TBC1D5: variants seen among roughly 807,000 people sequenced by gnomAD.
The protein encoded by TBC1D5 is TBC1 domain family, member 5.
Under a neutral mutation model 100.3 loss-of-function variants are expected in TBC1D5, and 75 were observed. The observed-to-expected ratio is 0.75, with a 90% CI of 0.62 to 0.91. The LOEUF is 0.91. Ranked by LOEUF, TBC1D5 falls within the 40% of genes least tolerant of loss-of-function variation. The pLI is 0.00. For synonymous variants in TBC1D5, 323 were observed against 325.6 expected (o/e 0.99, Z 0.09); for missense variants, 910 against 942.4 (o/e 0.97, Z 0.45).
At chr3:17,349,413 G>T (rs1006673695) in intron 13 of TBC1D5, among the ~76,000 whole-genome samples, 4 of 152,152 alleles carry the variant, frequency 2.6e-5, no homozygotes, top group Non-Finnish European at 5.9e-5. Flanking sequence ...AAAACCAGTT[G>T]TGTGTATGAT....
chr3:17,396,335 A>G (rs2093503971), intron 8 of TBC1D5, among the ~76,000 whole-genome samples: 3 of 151,998 alleles, frequency 2.0e-5, no homozygotes. Flanking sequence ...TTTCTCTTTA[A>G]CATTTTAACA....
chr3:17,261,058 A>T (rs1236322583), intron 15 of TBC1D5, among the ~76,000 whole-genome samples: 1 of 152,236 alleles, frequency 6.6e-6, no homozygotes, highest in Non-Finnish European at 1.5e-5. Context: ...AAACACCCGT[A>T]CACCACTACA....
intron 4 of TBC1D5, among the ~76,000 whole-genome samples, chr3:17,410,601 G>A (rs950343854): frequency 6.6e-6 from 1 of 152,136 alleles, no homozygotes; most frequent in Non-Finnish European, 1.5e-5. Flanking sequence ...ATTCGTGGTG[G>A]AAAGTCAGAA....
intron 13 of TBC1D5, among the ~76,000 whole-genome samples, chr3:17,353,534 T>A (rs1013902679): frequency 6.6e-6 from 1 of 152,116 alleles, no homozygotes; most frequent in Non-Finnish European, 1.5e-5. Flanking sequence ...TGCATAACTA[T>A]GTGAATGCGA....
At chr3:17,464,139 C>A (rs773334277) in intron 3 of TBC1D5, among the ~76,000 whole-genome samples, 2 of 151,650 alleles carry the variant, frequency 1.3e-5, no homozygotes, top group African/African-American at 4.8e-5. Context: ...TTAGTAGAGA[C>A]GGGGTTTCTC....
intron 1 of TBC1D5, among the ~76,000 whole-genome samples, chr3:17,626,445 A>G (rs2063070179): frequency 6.6e-6 from 1 of 152,330 alleles, no homozygotes; most frequent in East Asian, 1.9e-4. Context: ...AGAGAGATCC[A>G]AAGAAATATA....
chr3:17,392,380 T>A (rs2093376921), intron 8 of TBC1D5, among the ~76,000 whole-genome samples: 3 of 151,622 alleles, frequency 2.0e-5, no homozygotes, highest in Admixed American at 1.3e-4. Context: ...TAAAAAAAAA[T>A]TATACTTTTA....
At chr3:17,300,971 T>C (rs2082761548) in intron 14 of TBC1D5, among the ~76,000 whole-genome samples, 1 of 144,858 alleles carries the variant, frequency 6.9e-6, no homozygotes, top group African/African-American at 2.6e-5. Flanking sequence ...CTTGGGAGGC[T>C]GAGGCAGGAG....
At chr3:17,511,119 C>A (rs1576436938) in intron 2 of TBC1D5, among the ~76,000 whole-genome samples, 2 of 152,008 alleles carry the variant, frequency 1.3e-5, no homozygotes, top group South Asian at 2.1e-4. Flanking sequence ...AGCTAGAAAT[C>A]AAAAATTTTA....
upstream of TBC1D5, among the ~76,000 whole-genome samples, chr3:17,741,605 C>T (rs2077441828): frequency 6.6e-6 from 1 of 152,134 alleles, no homozygotes; most frequent in South Asian, 2.1e-4. Flanking sequence ...CAAATGAACT[C>T]TTTCCAGAAA....
At chr3:17,454,537 G>A (rs2095008299) in intron 3 of TBC1D5, among the ~76,000 whole-genome samples, 1 of 152,074 alleles carries the variant, frequency 6.6e-6, no homozygotes, top group Non-Finnish European at 1.5e-5. Flanking sequence ...TCGGCTCACT[G>A]CAAGCTCCGC....
chr3:17,438,583 T>C (rs906137184), intron 3 of TBC1D5, among the ~76,000 whole-genome samples: 1 of 152,220 alleles, frequency 6.6e-6, no homozygotes, highest in African/African-American at 2.4e-5. Context: ...ACCATAATTG[T>C]AAGTTTCCTG....
intron 1 of TBC1D5, among the ~76,000 whole-genome samples, chr3:17,642,014 A>G (rs1388877369): frequency 6.6e-6 from 1 of 152,178 alleles, no homozygotes; most frequent in Non-Finnish European, 1.5e-5. Context: ...AACAGGTACT[A>G]TTAATTATTG....
chr3:17,262,875 T>A (rs2078456884), intron 15 of TBC1D5, among the ~76,000 whole-genome samples: 1 of 152,076 alleles, frequency 6.6e-6, no homozygotes, highest in Non-Finnish European at 1.5e-5. Flanking sequence ...CTGATATTAG[T>A]CTGTGTGCAG....
At chr3:17,618,491 A>G (rs1035025292) in intron 2 of TBC1D5, among the ~76,000 whole-genome samples, 2 of 152,222 alleles carry the variant, frequency 1.3e-5, no homozygotes, top group African/African-American at 4.8e-5. Flanking sequence ...TTCTTCAGCT[A>G]TGCCCTCCCC....
At chr3:17,298,893 T>C (rs1315847396) in intron 14 of TBC1D5, among the ~76,000 whole-genome samples, 1 of 152,172 alleles carries the variant, frequency 6.6e-6, no homozygotes, top group African/African-American at 2.4e-5. Context: ...AGAGGATTTT[T>C]AGGATGTGTT....
intron 2 of TBC1D5, among the ~76,000 whole-genome samples, chr3:17,590,822 T>C (rs537169383): frequency 2.6e-4 from 39 of 152,230 alleles, no homozygotes; most frequent in African/African-American, 8.7e-4. Context: ...AGCTTTGGCA[T>C]TGACTAATTA....
chr3:17,545,811 A>G (rs2096409280), intron 2 of TBC1D5, among the ~76,000 whole-genome samples: 1 of 152,158 alleles, frequency 6.6e-6, no homozygotes, highest in Non-Finnish European at 1.5e-5. Flanking sequence ...CAAACCTTCA[A>G]ACTGGTTTCT....
At chr3:17,161,190 C>G (rs2066003880) in exon 22 of TBC1D5, 1 of 1,614,244 alleles carries the variant, frequency 6.2e-7, no homozygotes, top group African/African-American at 1.3e-5. Flanking sequence ...CCATCATCAT[C>G]TTTGGAAATC....
Sources: gnomAD v4.1 joint callset for allele counts (sites outside exome capture counted in the v4.1 genomes callset) on GRCh38, gnomAD v4.1.1 for gene constraint, MANE v1.5 for transcripts, NCBI Gene and HGNC (gene_info 2026-07-23, HGNC 2026-07-21) for gene names.